The following KANK1 variants were observed in gnomAD, a reference collection of about 807,000 sequenced individuals.
The protein encoded by KANK1 is KN motif and ankyrin repeat domains 1, also known as KN motif and ankyrin repeat domain-containing protein 1.
In KANK1, 109 loss-of-function variants were observed where a neutral mutation model predicts 106.2. That is an observed-to-expected ratio of 1.03 (90% confidence interval 0.88 to 1.20). The LOEUF is 1.20. Ranked by LOEUF, KANK1 falls within the 50% of genes most tolerant of loss-of-function variation. The pLI is 0.00. For synonymous variants in KANK1, 873 were observed against 652.2 expected (o/e 1.34, Z -5.16); for missense variants, 2,399 against 1,710.7 (o/e 1.40, Z -7.10).
chr9:588,327 G>C (rs921789638), intron 1 of KANK1, among the ~76,000 whole-genome samples: 1 of 151,890 alleles, frequency 6.6e-6, no homozygotes, highest in Admixed American at 6.6e-5. Flanking sequence ...ATTGTTTCTT[G>C]TTATTTACTT....
chr9:700,727 A>G lies in KANK1; in HGVS notation c.38-10077A>G, dbSNP rs539061983. 1.6e-3 allele frequency among the ~76,000 whole-genome samples: 245 copies of G among 152,312 alleles called. 1 individual carries two copies. Among genetic ancestry groups the G allele is most frequent in the Non-Finnish European group, 3.1e-3 (208 of 68,038 alleles). ...CAATAACATTAATGGGAATTAGCAA[A>G]GTTCTTCAGTTTCAACAGTCAGGTG... On this transcript the variant is annotated intron_variant, in intron 2 of 11. Transcript: ENST00000382297.
chr9:563,717 T>G (rs182893050), intron 1 of KANK1, among the ~76,000 whole-genome samples: 7 of 152,328 alleles, frequency 4.6e-5, no homozygotes, highest in Admixed American at 2.6e-4. Context: ...GAGAGGTTTC[T>G]CTTCTTTTTA....
At chr9:725,302 A>AG (rs1830363985) in intron 3 of KANK1, among the ~76,000 whole-genome samples, 5 of 152,054 alleles carry the variant, frequency 3.3e-5, no homozygotes, top group Non-Finnish European at 7.4e-5. Context: ...AGGCCAGGCT[A>AG]ACCAACATGG....
intron 1 of KANK1, among the ~76,000 whole-genome samples, chr9:671,309 T>C (rs1390675259): frequency 6.6e-6 from 1 of 151,786 alleles, no homozygotes; most frequent in African/African-American, 2.4e-5. Flanking sequence ...AAGAACAAGG[T>C]TGATAATCAA....
chr9:621,435 CA>C (rs1026747364), intron 1 of KANK1, among the ~76,000 whole-genome samples: 2 of 151,540 alleles, frequency 1.3e-5, no homozygotes, highest in Non-Finnish European at 2.9e-5. Flanking sequence ...TCATCATTAC[CA>C]AAAAAAAGTG....
intron 1 of KANK1, among the ~76,000 whole-genome samples, chr9:539,033 A>G (rs866858223): frequency 1.3e-5 from 2 of 152,230 alleles, no homozygotes; most frequent in South Asian, 4.1e-4. Context: ...GGCATGAGCC[A>G]CCACACCTGG....
intron 1 of KANK1, among the ~76,000 whole-genome samples, chr9:591,209 T>C (rs1437128703): frequency 2.0e-5 from 3 of 151,916 alleles, no homozygotes; most frequent in Non-Finnish European, 4.4e-5. Flanking sequence ...AGTATGTTAG[T>C]TGTTTTGATA....
At chr9:568,940 C>T (rs1486167375) in intron 1 of KANK1, among the ~76,000 whole-genome samples, 2 of 152,182 alleles carry the variant, frequency 1.3e-5, no homozygotes, top group Non-Finnish European at 2.9e-5. Context: ...GATTTCCACA[C>T]TCATCGGGGT....
At chr9:634,663 T>C (rs569861959) in intron 1 of KANK1, among the ~76,000 whole-genome samples, 1 of 152,212 alleles carries the variant, frequency 6.6e-6, no homozygotes, top group Non-Finnish European at 1.5e-5. Flanking sequence ...GGGACTGTTA[T>C]CATCCTTGTT....
At chr9:725,135 GAT>G (rs1830329528) in intron 3 of KANK1, among the ~76,000 whole-genome samples, 1 of 152,136 alleles carries the variant, frequency 6.6e-6, no homozygotes, top group African/African-American at 2.4e-5. Flanking sequence ...TTGTGCTGTT[GAT>G]TTGGGGACAG....
intron 3 of KANK1, among the ~76,000 whole-genome samples, chr9:474,582 CCT>C (rs774140378): frequency 2.0e-5 from 3 of 152,060 alleles, no homozygotes; most frequent in Non-Finnish European, 4.4e-5. Context: ...CTATCTTTTC[CCT>C]GTGTCGTTTC....
At chr9:657,468 T>C (rs1046517184) in intron 1 of KANK1, among the ~76,000 whole-genome samples, 1 of 152,196 alleles carries the variant, frequency 6.6e-6, no homozygotes, top group African/African-American at 2.4e-5. Flanking sequence ...CTGTAGCAGC[T>C]GCACCATTTT....
At position 525,350 on chromosome 9, in the gene KANK1, C is replaced by CGTGTGTGTGTGTGTGT. The variant is rs35296364; in HGVS notation, c.-84+20615_-84+20630dup. ...ATTTCTGACAGAATATGTATACATACGTGTGTGTGTGTGTGTGTGTGTGTG... is the reference window on the plus strand; with the variant it reads ...ATTTCTGACAGAATATGTATACATACGTGTGTGTGTGTGTGTGTGTGTGTGTGTGTGTGTGTGTGTG... On this transcript the variant is annotated intron_variant, in intron 1 of 11. Transcript: ENST00000382297. 3.7e-3 allele frequency among the ~76,000 whole-genome samples: 526 copies of CGTGTGTGTGTGTGTGT among 140,538 alleles called. 7 individuals carry two copies. The highest frequency in any genetic ancestry group is 0.01 in the African/African-American group (371 of 36,294). 92.2% of individuals were successfully genotyped at this position (140,538 alleles called of 152,430 possible).
intron 1 of KANK1, among the ~76,000 whole-genome samples, chr9:541,790 G>T (rs775126636): frequency 2.6e-5 from 4 of 151,942 alleles, no homozygotes; most frequent in African/African-American, 9.7e-5. Flanking sequence ...ATAAATAACC[G>T]GATTAAAAAA....
chr9:696,996 G>A (rs1025106710), intron 2 of KANK1, among the ~76,000 whole-genome samples: 2 of 151,972 alleles, frequency 1.3e-5, no homozygotes, highest in Admixed American at 6.6e-5. Context: ...AATTTTAATC[G>A]TACATAAAAA....
intron 1 of KANK1, among the ~76,000 whole-genome samples, chr9:616,127 C>A (rs1338210029): frequency 6.6e-6 from 1 of 152,184 alleles, no homozygotes; most frequent in African/African-American, 2.4e-5. Flanking sequence ...ATGTTTAATG[C>A]TGAAGAGTTT....
intron 1 of KANK1, among the ~76,000 whole-genome samples, chr9:508,298 C>T (rs1205788125): frequency 6.6e-6 from 1 of 151,274 alleles, no homozygotes; most frequent in African/African-American, 2.4e-5. Flanking sequence ...CCACCATGCC[C>T]GGCTAATTTT....
intron 1 of KANK1, among the ~76,000 whole-genome samples, chr9:566,337 A>G (rs1291026028): frequency 6.6e-6 from 1 of 152,180 alleles, no homozygotes; most frequent in Admixed American, 6.5e-5. Flanking sequence ...ATGCATCTTT[A>G]TGATAGAATG....
chr9:741,510 C>G (rs1190383027), intron 9 of KANK1, among the ~76,000 whole-genome samples: 1 of 130,238 alleles, frequency 7.7e-6, no homozygotes, highest in Admixed American at 8.5e-5. Context: ...TTTTTTGAGA[C>G]TAAGTCTCAT....
Sources: gnomAD v4.1 joint callset for allele counts (sites outside exome capture counted in the v4.1 genomes callset) on GRCh38, gnomAD v4.1.1 for gene constraint, MANE v1.5 for transcripts, NCBI Gene and HGNC (gene_info 2026-07-23, HGNC 2026-07-21) for gene names.